The following CCDC57 variants were observed in gnomAD, a reference collection of about 807,000 sequenced individuals.
CCDC57 encodes coiled-coil domain-containing protein 57.
A neutral mutation model predicts 118.9 loss-of-function variants in CCDC57; 118 were observed. The observed-to-expected ratio is 0.99, with a 90% CI of 0.86 to 1.16. The LOEUF is 1.16. Ranked by LOEUF, CCDC57 falls within the 50% of genes most tolerant of loss-of-function variation. The probability of loss-of-function intolerance (pLI) is 0.00; values close to 1 mark genes in which losing one functional copy is unlikely to be tolerated. For missense variants in CCDC57, 1,300 were observed against 1,320.7 expected (o/e 0.98, Z 0.24); for synonymous variants, 527 against 532.9 (o/e 0.99, Z 0.15).
intron 9 of CCDC57, among the ~76,000 whole-genome samples, 194 bp downstream of exon 8, chr17:82,183,580 G>A (rs1032200277): frequency 6.6e-6 from 1 of 152,092 alleles, no homozygotes. Flanking sequence ...CCCTCCAGCA[G>A]GCGGCCCCTT....
intron 19 of CCDC57, among the ~76,000 whole-genome samples, chr17:82,120,946 A>G (rs915599273): frequency 1.3e-5 from 2 of 152,100 alleles, no homozygotes; most frequent in Non-Finnish European, 2.9e-5. Flanking sequence ...TAGTAGAGAC[A>G]GGGTTTCACC....
intron 3 of CCDC57, among the ~76,000 whole-genome samples, chr17:82,200,413 C>T (rs2048855815): frequency 6.6e-6 from 1 of 152,176 alleles, no homozygotes; most frequent in Non-Finnish European, 1.5e-5. Context: ...TTCGCCATTC[C>T]ACCACAGTAT....
chr17:82,144,953 T>G (rs2040501801), intron 16 of CCDC57, among the ~76,000 whole-genome samples: 2 of 151,890 alleles, frequency 1.3e-5, no homozygotes, highest in Non-Finnish European at 2.9e-5. Flanking sequence ...AAGCACAAAT[T>G]TAAAACAGGA....
chr17:82,101,965 C>CCGGCCAG, intron 19 of CCDC57, 99 bp from the exon 19 acceptor site: 1 of 1,226,138 alleles, frequency 8.2e-7, no homozygotes, highest in Non-Finnish European at 1.1e-6. Context: ...TTCCGTGTTC[C>CCGGCCAG]CGGCCAGCGG....
chr17:82,172,689 T>C lies in CCDC57; in HGVS notation c.1678A>G (p.Thr560Ala). The C allele has an allele frequency of 6.4e-7, 1 of 1,560,320 alleles. No individual in the cohort carries two copies. Among genetic ancestry groups the C allele is most frequent in the Non-Finnish European group, 8.7e-7 (1 of 1,152,174 alleles). Residue 560 changes from threonine to alanine, a missense_variant, in exon 12 of 20, where the codon ACA becomes GCA. Thr to Ala is a moderately conservative substitution (Grantham distance 58). Transcript: ENST00000665763. The surrounding 1 kb of genome is among the most constrained non-coding windows in gnomAD (Gnocchi z 5.2). Reference sequence around the variant, plus strand: ...TCTGGGTCAGGCTGGTTTGCATCTGTGCTCTCTGCCGCTGTCTGGATGGGA... The same window carrying C: ...TCTGGGTCAGGCTGGTTTGCATCTGCGCTCTCTGCCGCTGTCTGGATGGGA...
At chr17:82,107,385 G>C in intron 19 of CCDC57, 1 of 466,180 alleles carries the variant, frequency 2.1e-6, no homozygotes, top group South Asian at 1.6e-5. Context: ...GGGGAGTGGG[G>C]AGTGGCTGCC....
At chr17:82,117,601 G>C (rs2036086646) in intron 19 of CCDC57, among the ~76,000 whole-genome samples, 1 of 152,084 alleles carries the variant, frequency 6.6e-6, no homozygotes, top group Non-Finnish European at 1.5e-5. Context: ...GCTTTAGTGA[G>C]CCATGGCTGC....
At chr17:82,142,451 T>C (rs918794577) in intron 16 of CCDC57, among the ~76,000 whole-genome samples, 2 of 152,194 alleles carry the variant, frequency 1.3e-5, no homozygotes, top group East Asian at 3.9e-4. Context: ...TAGCTGGGAC[T>C]ATAGGCGCGC....
At chr17:82,105,693 A>G (rs1185644027) in intron 19 of CCDC57, among the ~76,000 whole-genome samples, 1 of 151,922 alleles carries the variant, frequency 6.6e-6, no homozygotes, top group Non-Finnish European at 1.5e-5. Context: ...ACAACAGGAG[A>G]GCAATGGGGT....
At chr17:82,194,877 C>A (rs769542760) in intron 5 of CCDC57, among the ~76,000 whole-genome samples, 1 of 152,258 alleles carries the variant, frequency 6.6e-6, no homozygotes, top group African/African-American at 2.4e-5. Context: ...CGGGTGGTGA[C>A]GATGGCTGCT....
chr17:82,201,669 C>T, exon 3 of CCDC57: 1 of 1,613,394 alleles, frequency 6.2e-7, no homozygotes, highest in Non-Finnish European at 8.5e-7. Context: ...TGAGCTCGCT[C>T]ACCTCTGCCC....
intron 16 of CCDC57, among the ~76,000 whole-genome samples, chr17:82,138,661 G>A (rs1270713767): frequency 1.4e-5 from 2 of 147,510 alleles, no homozygotes. Flanking sequence ...GGCCTGCCCC[G>A]GGTCGGAAGA....
intron 17 of CCDC57, among the ~76,000 whole-genome samples, chr17:82,130,681 T>C (rs1212832623): frequency 2.7e-5 from 4 of 148,758 alleles, no homozygotes; most frequent in Non-Finnish European, 4.5e-5. Context: ...TTTTGTATTT[T>C]TAGTAGAGAT....
At chr17:82,161,109 C>T (rs77347608) in intron 14 of CCDC57, among the ~76,000 whole-genome samples, 2,408 of 152,158 alleles carry the variant, frequency 0.016, 72 homozygotes, top group African/African-American at 0.056. Flanking sequence ...AGACGATGCT[C>T]GACACCAGGA....
chr17:82,119,197 G>A (rs1598674682), intron 19 of CCDC57, among the ~76,000 whole-genome samples: 1 of 151,906 alleles, frequency 6.6e-6, no homozygotes, highest in Non-Finnish European at 1.5e-5. Context: ...TTACTTTGGA[G>A]AAAACTGCTG....
chr17:82,204,587 T>G (rs1291471666), intron 2 of CCDC57, among the ~76,000 whole-genome samples: 1 of 152,098 alleles, frequency 6.6e-6, no homozygotes, highest in Non-Finnish European at 1.5e-5. Context: ...ATTGAGACCA[T>G]CCTGGCTAAC....
intron 19 of CCDC57, among the ~76,000 whole-genome samples, chr17:82,125,368 T>A (rs369192535): frequency 1.3e-5 from 2 of 149,858 alleles, no homozygotes; most frequent in African/African-American, 4.9e-5. Flanking sequence ...GGAGACACCA[T>A]CTCTACTAAA....
intron 19 of CCDC57, 29 bp from the exon 19 acceptor site, chr17:82,101,895 G>C (rs1197609592): frequency 6.5e-7 from 1 of 1,531,326 alleles, no homozygotes; most frequent in Non-Finnish European, 8.8e-7. Flanking sequence ...AAAACAGCAT[G>C]CATCAGGATG....
At position 82,192,334 on chromosome 17, in the gene CCDC57, A is replaced by G. The variant is rs1157165289; in HGVS notation, c.851+1422T>C. Reference sequence around the variant, plus strand: ...GCATAGGATACACACAACATGCCCAATGTGTGTTAATGAACTGTGTTATCA... The same window carrying G: ...GCATAGGATACACACAACATGCCCAGTGTGTGTTAATGAACTGTGTTATCA... On this transcript the variant is annotated intron_variant, in intron 7 of 19. Coordinates refer to ENST00000665763, the Ensembl canonical transcript of CCDC57. This position sits in a 1 kb window ranked among gnomAD's most constrained non-coding sequence, Gnocchi z 4.0. Among the ~76,000 whole-genome samples, 1 of 152,190 alleles carries G rather than the reference A, an allele frequency of 6.6e-6. No homozygotes were observed. The highest frequency in any genetic ancestry group is 2.4e-5 in the African/African-American group (1 of 41,440).
Sources: allele counts gnomAD v4.1 joint callset (sites outside exome capture counted in the v4.1 genomes callset), GRCh38; gene constraint gnomAD v4.1.1; non-coding constraint Gnocchi (gnomAD v3.1); transcripts MANE v1.5; gene names NCBI Gene and HGNC (gene_info 2026-07-23, HGNC 2026-07-21).